Variants in LIPC observed in about 807,000 individuals in gnomAD.
The protein encoded by LIPC is lipase C, hepatic type, also known as hepatic triacylglycerol lipase.
Under a neutral mutation model 50.7 loss-of-function variants are expected in LIPC, and 44 were observed. That is an observed-to-expected ratio of 0.87 (90% CI 0.68 to 1.11). The LOEUF (loss-of-function observed/expected upper bound fraction) is 1.11. Ranked by LOEUF, LIPC falls within the 50% of genes most tolerant of loss-of-function variation. LIPC has a pLI of 0.00. For synonymous variants in LIPC, 271 were observed against 256.4 expected, an observed-to-expected ratio of 1.06 and a Z score of -0.54; for missense variants, 697 against 648.2, an observed-to-expected ratio of 1.08 and a Z score of -0.82.
intron 1 of LIPC, among the ~76,000 whole-genome samples, chr15:58,478,891 C>A (rs1361618239): frequency 1.3e-5 from 2 of 152,194 alleles, no homozygotes; most frequent in Non-Finnish European, 2.9e-5. Flanking sequence ...GTTAAGGCAA[C>A]TTTTACAAAC....
chr15:58,486,146 T>TA (rs1253749370), intron 1 of LIPC, among the ~76,000 whole-genome samples: 1 of 152,148 alleles, frequency 6.6e-6, no homozygotes, highest in Non-Finnish European at 1.5e-5. Context: ...ACGGCTCTAT[T>TA]CTAACAGTGC....
intron 1 of LIPC, among the ~76,000 whole-genome samples, chr15:58,447,426 A>G (rs1893738018): frequency 6.6e-6 from 1 of 152,048 alleles, no homozygotes; most frequent in Non-Finnish European, 1.5e-5. Context: ...CGTATATGAG[A>G]AGTTGGCTGT....
At chr15:58,493,620 TATAA>T (rs1360345299) in intron 1 of LIPC, among the ~76,000 whole-genome samples, 13 of 145,462 alleles carry the variant, frequency 8.9e-5, no homozygotes, top group African/African-American at 3.0e-4. Flanking sequence ...ATTTATTACG[TATAA>T]ATAAAATTTA....
chr15:58,466,466 T>C (rs1894568229), intron 1 of LIPC, among the ~76,000 whole-genome samples: 1 of 152,252 alleles, frequency 6.6e-6, no homozygotes, highest in East Asian at 1.9e-4. Context: ...TTTCTCATCT[T>C]ATAAAATTAA....
chr15:58,493,879 A>G (rs1444239831), intron 1 of LIPC, among the ~76,000 whole-genome samples: 17 of 152,122 alleles, frequency 1.1e-4, no homozygotes, highest in Non-Finnish European at 1.8e-4. Context: ...GCACAGGAAG[A>G]TGGCAATGGG....
chr15:58,446,873 G>A (rs1266080327), intron 1 of LIPC, among the ~76,000 whole-genome samples: 1 of 152,106 alleles, frequency 6.6e-6, no homozygotes, highest in African/African-American at 2.4e-5. Flanking sequence ...TTGGCCAGGC[G>A]AGGTGGCTTA....
intron 1 of LIPC, among the ~76,000 whole-genome samples, chr15:58,532,031 G>T (rs1892975596): frequency 1.3e-5 from 2 of 152,170 alleles, no homozygotes; most frequent in African/African-American, 4.8e-5. Context: ...GTCACAAGAG[G>T]TGAAGGACAA....
At position 58,432,028 on chromosome 15, in the gene LIPC, G is replaced by A. The variant is rs372381397; in HGVS notation, c.-5G>A. 4 of 1,611,292 alleles carry A rather than the reference G, an allele frequency of 2.5e-6. No individual in the cohort carries two copies. In the African/African-American group the frequency reaches 5.3e-5, roughly 22 times the overall value. ...GAAAGCCTGGACCCCGGGTGAAACG[G>A]AGAAATGGACACAAGTCCCCTGTGT... On this transcript the variant is annotated 5_prime_UTR_variant, in exon 1 of 9. Transcript: ENST00000299022.
chr15:58,451,362 C>T (rs1421905104), intron 1 of LIPC, among the ~76,000 whole-genome samples: 2 of 152,124 alleles, frequency 1.3e-5, no homozygotes, highest in African/African-American at 4.8e-5. Flanking sequence ...ACATAGATGT[C>T]CAAATTATAA....
At position 58,538,318 on chromosome 15, in the gene LIPC, A is replaced by G. The variant is rs373539368; in HGVS notation, c.89-15A>G. Reference sequence around the variant, plus strand: ...AGATGCCAGGCTAAGCACCGTCCCCAATCTTATATTGCAGAGCCATTTGGA... The same window carrying G: ...AGATGCCAGGCTAAGCACCGTCCCCGATCTTATATTGCAGAGCCATTTGGA... On this transcript the variant is annotated splice_polypyrimidine_tract_variant and intron_variant, in intron 1 of 8. Coordinates refer to ENST00000299022, the MANE Select transcript of LIPC (RefSeq NM_000236.3). 8 of 1,613,876 alleles carry G rather than the reference A, an allele frequency of 5.0e-6. No homozygotes were observed. Among genetic ancestry groups the G allele is most frequent in the African/African-American group, 4.0e-5 (3 of 74,934 alleles).
intron 3 of LIPC, 38 bp downstream of exon 3, chr15:58,542,005 C>T (rs1212337805): frequency 1.3e-6 from 2 of 1,578,782 alleles, no homozygotes; most frequent in African/African-American, 1.3e-5. Context: ...CCTCCCTTCC[C>T]TCCTTTCCCT....
At chr15:58,486,551 TG>T (rs1891382802) in intron 1 of LIPC, among the ~76,000 whole-genome samples, 1 of 152,168 alleles carries the variant, frequency 6.6e-6, no homozygotes, top group Non-Finnish European at 1.5e-5. Context: ...CATCTAGGCC[TG>T]GTACAGACCA....
At chr15:58,549,902 T>G (rs1342637050) in intron 6 of LIPC, among the ~76,000 whole-genome samples, 4 of 152,252 alleles carry the variant, frequency 2.6e-5, no homozygotes, top group Non-Finnish European at 4.4e-5. Flanking sequence ...CGCTGCAGGC[T>G]GCCAATTAAA....
chr15:58,506,922 T>A (rs376852177), intron 1 of LIPC, among the ~76,000 whole-genome samples: 1 of 152,192 alleles, frequency 6.6e-6, no homozygotes. Context: ...TTACAATCAT[T>A]GCAGAGGAGG....
Position 58,560,588 on chromosome 15 carries a change from T to G in LIPC, c.1052-276T>G, listed in dbSNP as rs546412471. ...TCTAGAACTCAGTGAGAATGCCAGA[T>G]GTCCTATACTCCTATTCTGCCATCT... On this transcript the variant is annotated intron_variant, in intron 6 of 8. Transcript: ENST00000299022. 3.3e-5 allele frequency among the ~76,000 whole-genome samples: 5 copies of G among 152,318 alleles called. No individual in the cohort carries two copies. The South Asian group carries it at 1.0e-3, about 32-fold the overall frequency.
chr15:58,477,682 G>A (rs1262509492), intron 1 of LIPC, among the ~76,000 whole-genome samples: 1 of 152,118 alleles, frequency 6.6e-6, no homozygotes, highest in African/African-American at 2.4e-5. Context: ...GTGTCTTAGA[G>A]ATGGATGATG....
chr15:58,542,457 G>GC (rs1342379686), intron 3 of LIPC, 77 bp from the exon 4 acceptor site: 1 of 919,976 alleles, frequency 1.1e-6, no homozygotes, highest in Non-Finnish European at 1.8e-6. Context: ...CAGGGTGGGC[G>GC]CCACAACACA....
chr15:58,507,532 C>T (rs1021602325), intron 1 of LIPC, among the ~76,000 whole-genome samples: 7 of 152,222 alleles, frequency 4.6e-5, no homozygotes, highest in East Asian at 1.9e-4. Context: ...CAAATCAGTA[C>T]TTGCCTTACT....
rs1555399305 is a variant in LIPC, at chr15:58,471,332, G to GGGGC, written c.88+39215_88+39216insCGGG. On this transcript the variant is annotated intron_variant, in intron 1 of 8. Coordinates refer to ENST00000299022, the MANE Select transcript of LIPC (RefSeq NM_000236.3). ...TTTTTGTATTTTTAGTAGAGATGGG[G>GGGGC]GGGGGTGGTCTCACCATGTTGGCCA... Among the ~76,000 whole-genome samples, 4 of 138,824 alleles carry GGGGC rather than the reference G, an allele frequency of 2.9e-5. No individual in the cohort carries two copies. The South Asian group carries it at 9.8e-4, about 34-fold the overall frequency. 91.1% of individuals were successfully genotyped at this position (138,824 alleles called of 152,430 possible).
Sources: gnomAD v4.1 joint callset for allele counts (sites outside exome capture counted in the v4.1 genomes callset) on GRCh38, gnomAD v4.1.1 for gene constraint, MANE v1.5 for transcripts, NCBI Gene and HGNC (gene_info 2026-07-23, HGNC 2026-07-21) for gene names.